PRDM11: variants seen among roughly 807,000 people sequenced by gnomAD.
The protein encoded by PRDM11 is PR/SET domain 11.
PRDM11 carries 20 observed loss-of-function variants against 97.8 expected under a neutral mutation model. The observed-to-expected ratio is 0.20, with a 90% CI of 0.14 to 0.30. PRDM11 has a LOEUF of 0.30. Ranked by LOEUF, PRDM11 falls within the 10% of genes least tolerant of loss-of-function variation. The pLI, the probability that PRDM11 is intolerant of heterozygous loss-of-function variation, is 1.00. For missense variants in PRDM11, 1,139 were observed against 1,555.2 expected (o/e 0.73, Z 4.50); for synonymous variants, 599 against 637.7 (o/e 0.94, Z 0.91).
At chr11:45,105,335 C>A (rs1456763499) in intron 1 of PRDM11, among the ~76,000 whole-genome samples, 4 of 152,222 alleles carry the variant, frequency 2.6e-5, no homozygotes, top group African/African-American at 9.6e-5. Context: ...CCATGACCTA[C>A]CTAAGGCCAC....
chr11:45,220,672 G>A (rs1854095045), intron 6 of PRDM11, among the ~76,000 whole-genome samples: 1 of 152,134 alleles, frequency 6.6e-6, no homozygotes, highest in Admixed American at 6.6e-5. Context: ...GGTTCCTCCT[G>A]GTGTCTGTAC....
chr11:45,128,980 T>C (rs1852653811), intron 1 of PRDM11, among the ~76,000 whole-genome samples: 1 of 152,170 alleles, frequency 6.6e-6, no homozygotes. Flanking sequence ...CATGACCACA[T>C]GGTGTTTATT....
Position 45,228,046 on chromosome 11 carries a change from T to A in PRDM11, c.3421T>A (p.Ser1141Thr), listed in dbSNP as rs1327663972. ...RALDSWFEEK[S>T]GNSYALSAEV... ...CCTGGACAGCTGGTTTGAGGAGAAGTCTGGGAACAGTTACGCGCTGTCTGC... is the reference window on the plus strand; with the variant it reads ...CCTGGACAGCTGGTTTGAGGAGAAGACTGGGAACAGTTACGCGCTGTCTGC... The change falls in exon 8 of 8, where the codon TCT (serine) becomes ACT (threonine). Residue 1141 changes from serine (S) to threonine (T), a missense_variant. Around this residue, in one of 2 missense-constraint regions of PRDM11, gnomAD observed 710 missense variants for 1,044.9 expected, o/e 0.68. Coordinates refer to ENST00000683152, the MANE Select transcript of PRDM11 (RefSeq NM_001384648.1). 2 of 1,533,734 alleles carry A rather than the reference T, an allele frequency of 1.3e-6. No homozygotes were observed. The highest frequency in any genetic ancestry group is 1.7e-6 in the Non-Finnish European group (2 of 1,146,708).
In PRDM11 at chr11:45,119,619, C is replaced by CAAAAAAAAA. The variant is rs56367204; in HGVS notation, c.96+23740_96+23748dup. Among the ~76,000 whole-genome samples the CAAAAAAAAA allele has an allele frequency of 4.9e-4, 21 of 43,062 alleles. 1 individual carries two copies. Among genetic ancestry groups the CAAAAAAAAA allele is most frequent in the African/African-American group, 2.3e-3 (17 of 7,506 alleles). The allele number at this position is 43,062 out of a possible 152,430, so 28.3% of individuals were successfully genotyped here. A position where few individuals can be genotyped will look rare whatever the true frequency, so the allele number is the denominator to read the frequency against. The stretch of plus-strand genomic sequence containing the variant: ...CCTGGGTGACAGCGAGATTCTGTCT[C>CAAAAAAAAA]AAAAAAAAAAAAAAAAAAAAAAAAA... On this transcript the variant is annotated intron_variant, in intron 1 of 6. Transcript: ENST00000530656.
At chr11:45,172,630 C>T (rs2135720245) in intron 1 of PRDM11, among the ~76,000 whole-genome samples, 1 of 152,272 alleles carries the variant, frequency 6.6e-6, no homozygotes, top group Non-Finnish European at 1.5e-5. Flanking sequence ...AGCCATGGCT[C>T]AACAGACTTT....
chr11:45,227,337 G>A lies in PRDM11; in HGVS notation c.2712G>A (p.Leu904=), dbSNP rs1854299909. ...LAYIFQGEYL[L]VSQVDDKIEE... is the part of the protein sequence containing the mutation. Reference sequence around the variant, plus strand: ...ACATCTTCCAGGGCGAGTACCTGCTGGTGTCCCAGGTGGATGACAAGATCG... The same window carrying A: ...ACATCTTCCAGGGCGAGTACCTGCTAGTGTCCCAGGTGGATGACAAGATCG... Residue 904 remains leucine (L), a synonymous_variant, in exon 8 of 8, where the codon CTG becomes CTA. Coordinates refer to ENST00000683152, the MANE Select transcript of PRDM11 (RefSeq NM_001384648.1). The surrounding 1 kb of genome is among the most constrained non-coding windows in gnomAD (Gnocchi z 8.0). The A allele has an allele frequency of 3.3e-6, 5 of 1,533,972 alleles. No individual in the cohort carries two copies. In the East Asian group the frequency reaches 7.3e-5, roughly 22 times the overall value.
upstream of PRDM11, among the ~76,000 whole-genome samples, chr11:45,145,295 C>G (rs991348003): frequency 4.6e-5 from 7 of 152,174 alleles, no homozygotes; most frequent in African/African-American, 1.7e-4. Flanking sequence ...GTGTTTGTGA[C>G]GCCAGAGTCA....
chr11:45,157,552 G>C (rs924347403), intron 1 of PRDM11, among the ~76,000 whole-genome samples: 20 of 152,180 alleles, frequency 1.3e-4, no homozygotes, highest in African/African-American at 4.8e-4. Context: ...GGACCAAAGA[G>C]GCCATCCAGG....
rs1371637822 is a variant in PRDM11 at position 45,230,119 on chromosome 11, T to C, written c.*1960T>C. 6.7e-6 allele frequency: 1 copy of C among 149,446 alleles called. No individual in the cohort carries two copies. Among genetic ancestry groups the C allele is most frequent in the African/African-American group, 2.4e-5 (1 of 40,986 alleles). 9.3% of individuals were successfully genotyped at this position (149,446 alleles called of 1,614,324 possible). A position where few individuals can be genotyped will look rare whatever the true frequency, so the allele number is the denominator to read the frequency against. ...TGCTAGTCAATAGCTTTTCATTATATAAATATATTATATATATTATATATT... is the reference window on the plus strand; with the variant it reads ...TGCTAGTCAATAGCTTTTCATTATACAAATATATTATATATATTATATATT... On this transcript the variant is annotated 3_prime_UTR_variant, in exon 8 of 8. Coordinates refer to ENST00000683152, the MANE Select transcript of PRDM11 (RefSeq NM_001384648.1).
intron 1 of PRDM11, among the ~76,000 whole-genome samples, chr11:45,176,399 A>G (rs1051802663): frequency 2.0e-5 from 3 of 152,184 alleles, no homozygotes; most frequent in South Asian, 2.1e-4. Context: ...TTTCACCACC[A>G]TGTGCACATC....
intron 1 of PRDM11, among the ~76,000 whole-genome samples, chr11:45,169,778 C>A (rs1455575936): frequency 1.3e-5 from 2 of 152,200 alleles, no homozygotes; most frequent in South Asian, 2.1e-4. Flanking sequence ...CAGCCCAGCA[C>A]CAGAGTCCAT....
intron 1 of PRDM11, among the ~76,000 whole-genome samples, chr11:45,131,897 T>C (rs1206227777): frequency 6.6e-6 from 1 of 152,262 alleles, no homozygotes; most frequent in East Asian, 1.9e-4. Context: ...ATCCGGGATC[T>C]AGATTTTTTC....
At chr11:45,171,410 A>AT (rs1445808848) in intron 1 of PRDM11, among the ~76,000 whole-genome samples, 2 of 151,978 alleles carry the variant, frequency 1.3e-5, no homozygotes, top group Non-Finnish European at 2.9e-5. Flanking sequence ...GGTTATGTGG[A>AT]TTTTTTAAAG....
chr11:45,095,950 T>C, intron 1 of PRDM11: 1 of 768,400 alleles, frequency 1.3e-6, no homozygotes, highest in Non-Finnish European at 2.4e-6. Flanking sequence ...ACGCTTGCAC[T>C]TGCTACTACC....
At chr11:45,159,387 G>A (rs1457765202) in intron 1 of PRDM11, among the ~76,000 whole-genome samples, 1 of 152,234 alleles carries the variant, frequency 6.6e-6, no homozygotes, top group African/African-American at 2.4e-5. Flanking sequence ...AGGCGTGGGT[G>A]GGCCTCACAT....
At chr11:45,187,857 T>A (rs1440950044) in intron 4 of PRDM11, among the ~76,000 whole-genome samples, 2 of 151,794 alleles carry the variant, frequency 1.3e-5, no homozygotes, top group Non-Finnish European at 2.9e-5. Context: ...GCATGGGTTT[T>A]TGGCCTCCAC....
intron 1 of PRDM11, among the ~76,000 whole-genome samples, chr11:45,167,025 T>G (rs1471881095): frequency 2.6e-5 from 4 of 152,256 alleles, no homozygotes; most frequent in African/African-American, 9.6e-5. Flanking sequence ...TTTGTTACTC[T>G]TGTGAGACTG....
chr11:45,200,943 C>T (rs1381089457), intron 4 of PRDM11, among the ~76,000 whole-genome samples: 1 of 152,158 alleles, frequency 6.6e-6, no homozygotes, highest in Non-Finnish European at 1.5e-5. Context: ...ACTATCTATG[C>T]TCATGTAAAC....
intron 7 of PRDM11, among the ~76,000 whole-genome samples, chr11:45,225,574 A>C (rs1014112859): frequency 6.6e-6 from 1 of 152,234 alleles, no homozygotes; most frequent in African/African-American, 2.4e-5. Flanking sequence ...GGCCATATCC[A>C]AGATGCCTTT....
Sources: gnomAD v4.1 joint callset for allele counts (sites outside exome capture counted in the v4.1 genomes callset) on GRCh38, gnomAD v4.1.1 for gene constraint, gnomAD v4.1.1 regional missense constraint, Gnocchi (gnomAD v3.1) non-coding constraint, MANE v1.5 for transcripts, NCBI Gene and HGNC (gene_info 2026-07-23, HGNC 2026-07-21) for gene names.